SYT1: variants seen among roughly 807,000 people sequenced by gnomAD.
SYT1 encodes synaptotagmin 1.
Under a neutral mutation model 44.8 loss-of-function variants are expected in SYT1, and 8 were observed. The ratio of observed to expected loss-of-function variants is 0.18; its 90% CI spans 0.10 to 0.32. The LOEUF (loss-of-function observed/expected upper bound fraction) is 0.32, where lower values mean the gene tolerates loss of function less well. SYT1 is among the 10% of genes least tolerant of loss of function. The pLI is 1.00. For missense variants in SYT1, 286 were observed against 509.3 expected (o/e 0.56, Z 4.22); for synonymous variants, 154 against 188.8 (o/e 0.82, Z 1.51).
intron 1 of SYT1, among the ~76,000 whole-genome samples, chr12:78,909,755 A>T (rs1310564326): frequency 6.6e-6 from 1 of 151,974 alleles, no homozygotes; most frequent in African/African-American, 2.4e-5. Flanking sequence ...TACTTTAATA[A>T]CTAACACCTA....
intron 1 of SYT1, among the ~76,000 whole-genome samples, chr12:78,886,495 T>A (rs1044059178): frequency 2.6e-5 from 4 of 152,020 alleles, no homozygotes; most frequent in African/African-American, 9.7e-5. Flanking sequence ...TTGAAATTAA[T>A]CATCACCTAA....
At chr12:78,970,322 TAAAG>T (rs1868344754) in intron 1 of SYT1, among the ~76,000 whole-genome samples, 3 of 152,112 alleles carry the variant, frequency 2.0e-5, no homozygotes, top group Admixed American at 2.0e-4. Context: ...AAGTGAGAAA[TAAAG>T]AAAGCAAGGT....
chr12:79,126,504 C>T (rs1868448489), intron 3 of SYT1, among the ~76,000 whole-genome samples: 1 of 152,118 alleles, frequency 6.6e-6, no homozygotes, highest in South Asian at 2.1e-4. Context: ...CATGATCCAC[C>T]CACCTCAGCC....
chr12:78,928,609 C>T (rs1194997334), intron 1 of SYT1, among the ~76,000 whole-genome samples: 1 of 152,058 alleles, frequency 6.6e-6, no homozygotes, highest in African/African-American at 2.4e-5. Context: ...TTAAGGGTTC[C>T]TTGAACACAT....
intron 3 of SYT1, among the ~76,000 whole-genome samples, chr12:79,080,993 G>A (rs999730062): frequency 3.9e-5 from 6 of 152,168 alleles, no homozygotes; most frequent in African/African-American, 1.4e-4. Context: ...GGGGATTTAG[G>A]TCATGCTGTA....
At chr12:79,165,110 TG>T (rs1480484046) in intron 3 of SYT1, among the ~76,000 whole-genome samples, 1 of 152,010 alleles carries the variant, frequency 6.6e-6, no homozygotes, top group Non-Finnish European at 1.5e-5. Flanking sequence ...GTCCCATTAT[TG>T]TTTAGAAACG....
chr12:78,912,904 C>T (rs534067508), intron 1 of SYT1, among the ~76,000 whole-genome samples: 13 of 151,846 alleles, frequency 8.6e-5, no homozygotes, highest in African/African-American at 2.7e-4. Context: ...TGAAAATGTC[C>T]ATTGATTGAA....
chr12:79,292,048 G>A lies in SYT1; in HGVS notation c.392G>A (p.Gly131Glu). Reference sequence around the variant, plus strand: ...GATGCTGAAACTGGATTGACAGATGGAGAAGAAAAAGAAGAACCCAAAGAA... The same window carrying A: ...GATGCTGAAACTGGATTGACAGATGAAGAAGAAAAAGAAGAACCCAAAGAA... The part of the protein sequence containing the change: ...DDDAETGLTD[G>E]EEKEEPKEEE... The change falls in exon 6 of 11, where the codon GGA (glycine) becomes GAA (glutamate). Residue 131 changes from glycine to glutamate, a missense_variant. Gly to Glu is a moderately conservative substitution (Grantham distance 98, BLOSUM62 -2). This residue lies in a region of SYT1 where 141 missense variants were observed against 165.7 expected (regional missense o/e 0.85). Coordinates refer to ENST00000261205, the MANE Select transcript of SYT1 (RefSeq NM_005639.3). The A allele has an allele frequency of 6.2e-7, 1 of 1,614,008 alleles. No homozygotes were observed. Among genetic ancestry groups the A allele is most frequent in the Non-Finnish European group, 8.5e-7 (1 of 1,180,006 alleles).
chr12:79,419,802 C>T (rs1355407418), intron 9 of SYT1, among the ~76,000 whole-genome samples: 1 of 152,024 alleles, frequency 6.6e-6, no homozygotes, highest in Non-Finnish European at 1.5e-5. Flanking sequence ...ATTTATGATT[C>T]CCAACCCTGT....
intron 2 of SYT1, among the ~76,000 whole-genome samples, chr12:79,042,191 G>A (rs1268491261): frequency 1.3e-5 from 2 of 151,458 alleles, no homozygotes; most frequent in African/African-American, 4.9e-5. Flanking sequence ...AATAGTTTCA[G>A]AAGGAATGGT....
At chr12:78,888,513 C>A (rs1170003318) in intron 1 of SYT1, among the ~76,000 whole-genome samples, 2 of 151,866 alleles carry the variant, frequency 1.3e-5, no homozygotes, top group Non-Finnish European at 2.9e-5. Context: ...AAATGCATAG[C>A]AACATATTTA....
intron 5 of SYT1, among the ~76,000 whole-genome samples, chr12:79,291,044 C>G (rs1404897421): frequency 6.6e-6 from 1 of 151,944 alleles, no homozygotes; most frequent in East Asian, 1.9e-4. Flanking sequence ...GTACTTATAA[C>G]CTTTGATATT....
intron 4 of SYT1, among the ~76,000 whole-genome samples, chr12:79,262,414 T>C (rs1454619665): frequency 1.3e-5 from 2 of 151,966 alleles, no homozygotes; most frequent in African/African-American, 2.4e-5. Context: ...TGTTGATTGG[T>C]GTGGACTGAG....
chr12:79,279,717 C>G (rs988225828), intron 4 of SYT1, among the ~76,000 whole-genome samples: 2 of 151,980 alleles, frequency 1.3e-5, no homozygotes, highest in Non-Finnish European at 2.9e-5. Context: ...GTCAAACTGT[C>G]TCTGTTGGCT....
At chr12:79,443,074 A>T (rs988458850) in intron 9 of SYT1, among the ~76,000 whole-genome samples, 1 of 152,164 alleles carries the variant, frequency 6.6e-6, no homozygotes, top group Non-Finnish European at 1.5e-5. Flanking sequence ...GGAGCTGTAA[A>T]TGGGAATTGT....
At chr12:79,151,109 A>G (rs1376986346) in intron 3 of SYT1, among the ~76,000 whole-genome samples, 1 of 152,140 alleles carries the variant, frequency 6.6e-6, no homozygotes, top group African/African-American at 2.4e-5. Context: ...TGTCCCAATG[A>G]CAGAATGAAG....
intron 8 of SYT1, among the ~76,000 whole-genome samples, chr12:79,325,194 A>T (rs1489947446): frequency 6.6e-6 from 1 of 152,204 alleles, no homozygotes; most frequent in Non-Finnish European, 1.5e-5. Flanking sequence ...TATTTTAACA[A>T]GGCTTTTGGC....
intron 3 of SYT1, among the ~76,000 whole-genome samples, chr12:79,157,914 G>C (rs1216964489): frequency 6.6e-6 from 1 of 152,006 alleles, no homozygotes; most frequent in Non-Finnish European, 1.5e-5. Flanking sequence ...TAATACCTCT[G>C]AAACTAGGAC....
At chr12:79,361,782 A>T (rs1472007948) in intron 9 of SYT1, among the ~76,000 whole-genome samples, 1 of 152,224 alleles carries the variant, frequency 6.6e-6, no homozygotes, top group Non-Finnish European at 1.5e-5. Context: ...TGTGGTACAG[A>T]AGAGAGGTTG....
Sources: allele counts gnomAD v4.1 joint callset (sites outside exome capture counted in the v4.1 genomes callset), GRCh38; gene constraint gnomAD v4.1.1; regional missense constraint gnomAD v4.1.1; transcripts MANE v1.5; gene names NCBI Gene and HGNC (gene_info 2026-07-23, HGNC 2026-07-21).